The following NR3C2 variants were observed in gnomAD, a reference collection of about 807,000 sequenced individuals.
NR3C2 encodes mineralocorticoid receptor.
In NR3C2, 15 loss-of-function variants were observed where a neutral mutation model predicts 86.4. That is an observed-to-expected ratio of 0.17 (90% CI 0.12 to 0.27). NR3C2 has a LOEUF of 0.27. Among genes scored for constraint, NR3C2 ranks in the 10% least tolerant of loss-of-function variants. The pLI, the probability that NR3C2 is intolerant of heterozygous loss-of-function variation, is 1.00. For missense variants in NR3C2, 960 were observed against 1,195.6 expected (o/e 0.80, Z 2.91); for synonymous variants, 458 against 450.5 (o/e 1.02, Z -0.21).
At chr4:148,406,770 C>T (rs1748447765) in intron 2 of NR3C2, among the ~76,000 whole-genome samples, 1 of 152,108 alleles carries the variant, frequency 6.6e-6, no homozygotes, top group Non-Finnish European at 1.5e-5. Flanking sequence ...TAACATAAAA[C>T]AATTCATTGC....
chr4:148,324,309 T>C (rs1743827490), intron 2 of NR3C2, among the ~76,000 whole-genome samples: 3 of 151,940 alleles, frequency 2.0e-5, no homozygotes, highest in Admixed American at 2.0e-4. Context: ...TTTTTTCTTT[T>C]TTAAGACTGA....
At position 148,330,260 on chromosome 4, in the gene NR3C2, T is replaced by G. The variant is rs72656816; in HGVS notation, c.1758-70143A>C. ...ACGTCAGGTTGGAATTCATTCTCAA[T>G]AGGCATCTACAAACCACACAAGTTG... On this transcript the variant is annotated intron_variant, in intron 2 of 8. Transcript: ENST00000358102. Among the ~76,000 whole-genome samples the G allele has an allele frequency of 1.7e-3, 264 of 152,300 alleles. 3 individuals are homozygous for G. Among genetic ancestry groups the G allele is most frequent in the African/African-American group, 6.3e-3 (260 of 41,558 alleles).
Position 148,124,508 on chromosome 4 carries a change from A to T in NR3C2, c.2511-4220T>A, listed in dbSNP as rs114550592. ...CATTTTTCTCTTTGGTAGCTTTAAA[A>T]TTTTTTTCTCTATTTATATGATTGC... On this transcript the variant is annotated intron_variant, in intron 6 of 8. Coordinates refer to ENST00000358102, the MANE Select transcript of NR3C2 (RefSeq NM_000901.5). Among the ~76,000 whole-genome samples, 783 of 151,998 alleles carry T rather than the reference A, an allele frequency of 5.2e-3. 9 individuals are homozygous for T. The highest frequency in any genetic ancestry group is 0.016 in the African/African-American group (653 of 41,456).
At chr4:148,331,285 G>A (rs1294173790) in intron 2 of NR3C2, among the ~76,000 whole-genome samples, 2 of 69,074 alleles carry the variant, frequency 2.9e-5, no homozygotes, top group South Asian at 5.5e-4. Flanking sequence ...TGGGATAAAC[G>A]AAAAACTAAA....
chr4:148,120,411 C>A, intron 6 of NR3C2, 123 bp from the exon 7 acceptor site: 1 of 1,142,772 alleles, frequency 8.8e-7, no homozygotes, highest in Non-Finnish European at 1.3e-6. Context: ...CAACATGGAG[C>A]AGATGTGTAT....
intron 2 of NR3C2, among the ~76,000 whole-genome samples, chr4:148,285,795 T>TA (rs1328445708): frequency 6.6e-6 from 1 of 152,210 alleles, no homozygotes; most frequent in Non-Finnish European, 1.5e-5. Context: ...GGAGATGTGA[T>TA]AAAGTAACTT....
At chr4:148,315,622 A>G (rs1743132693) in intron 2 of NR3C2, among the ~76,000 whole-genome samples, 1 of 152,198 alleles carries the variant, frequency 6.6e-6, no homozygotes, top group South Asian at 2.1e-4. Flanking sequence ...CTAAAGAAAC[A>G]GAAGTATTTA....
chr4:148,313,755 C>G (rs1743024840), intron 2 of NR3C2, among the ~76,000 whole-genome samples: 1 of 152,164 alleles, frequency 6.6e-6, no homozygotes, highest in South Asian at 2.1e-4. Flanking sequence ...TTACTACAGC[C>G]TGGCTTTCTT....
At chr4:148,243,984 A>G (rs933439965) in intron 3 of NR3C2, among the ~76,000 whole-genome samples, 1 of 152,228 alleles carries the variant, frequency 6.6e-6, no homozygotes, top group Admixed American at 6.5e-5. Context: ...TGAGAGGCAG[A>G]CAATGGTTTA....
In NR3C2 at chr4:148,397,172, C is replaced by T. The variant is rs541699274; in HGVS notation, c.1757+37932G>A. On this transcript the variant is annotated intron_variant, in intron 2 of 8. Coordinates refer to ENST00000358102, the MANE Select transcript of NR3C2 (RefSeq NM_000901.5). ...AAATGTGGCCAGCAAAGACCAGCCC[C>T]CACCATTTCCCCGTGACCTGCTGTT... 3.3e-5 allele frequency among the ~76,000 whole-genome samples: 5 copies of T among 152,340 alleles called. No individual in the cohort carries two copies. In the East Asian group the frequency reaches 9.6e-4, roughly 29 times the overall value.
chr4:148,294,437 T>G (rs185230776), intron 2 of NR3C2, among the ~76,000 whole-genome samples: 1 of 152,258 alleles, frequency 6.6e-6, no homozygotes, highest in Non-Finnish European at 1.5e-5. Context: ...ACGTTATAGG[T>G]TTTTTTCTGT....
At chr4:148,427,925 C>T (rs1366973765) in intron 2 of NR3C2, among the ~76,000 whole-genome samples, 1 of 152,100 alleles carries the variant, frequency 6.6e-6, no homozygotes, top group Non-Finnish European at 1.5e-5. Flanking sequence ...CTTCACAAAA[C>T]AAAAAACAAT....
intron 1 of NR3C2, among the ~76,000 whole-genome samples, chr4:148,440,633 A>G (rs544591060): frequency 1.3e-5 from 2 of 152,248 alleles, no homozygotes; most frequent in East Asian, 1.9e-4. Context: ...CCAAAACACA[A>G]AAAAAAATTC....
chr4:148,185,042 G>A (rs1039137468), intron 4 of NR3C2, among the ~76,000 whole-genome samples: 11 of 152,140 alleles, frequency 7.2e-5, no homozygotes, highest in East Asian at 3.8e-4. Flanking sequence ...AAAGCACTAC[G>A]GAAGCCACAA....
At chr4:148,180,508 C>T (rs1735597643) in intron 4 of NR3C2, among the ~76,000 whole-genome samples, 2 of 151,942 alleles carry the variant, frequency 1.3e-5, no homozygotes, top group Non-Finnish European at 2.9e-5. Flanking sequence ...CTTTTTAGTT[C>T]AAAATTATGA....
chr4:148,393,952 A>G (rs1413368325), intron 2 of NR3C2, among the ~76,000 whole-genome samples: 3 of 152,188 alleles, frequency 2.0e-5, no homozygotes, highest in Non-Finnish European at 4.4e-5. Flanking sequence ...TATTTTGGCC[A>G]GCAGGGCTAG....
chr4:148,175,051 T>C (rs1157912426), intron 4 of NR3C2, among the ~76,000 whole-genome samples: 3 of 152,194 alleles, frequency 2.0e-5, no homozygotes, highest in Admixed American at 2.0e-4. Context: ...GCAAGGAAAA[T>C]GCAAATACAT....
At chr4:148,442,506 A>C (rs1750404526), upstream of NR3C2, 2 of 316,982 alleles carry the variant, frequency 6.3e-6, no homozygotes, top group Non-Finnish European at 9.1e-6. Context: ...GGCCAGCTGG[A>C]GGGCTGGCCC....
At chr4:148,289,117 T>C (rs894810339) in intron 2 of NR3C2, among the ~76,000 whole-genome samples, 1 of 152,160 alleles carries the variant, frequency 6.6e-6, no homozygotes, top group Non-Finnish European at 1.5e-5. Context: ...AGGAAAATTT[T>C]AAAATAAACT....
Sources: allele counts gnomAD v4.1 joint callset (sites outside exome capture counted in the v4.1 genomes callset), GRCh38; gene constraint gnomAD v4.1.1; transcripts MANE v1.5; gene names NCBI Gene and HGNC (gene_info 2026-07-23, HGNC 2026-07-21).